ELP1: variants seen among roughly 807,000 people sequenced by gnomAD.
The protein encoded by ELP1 is elongator acetyltransferase complex subunit 1, also known as elongator complex protein 1.
Under a neutral mutation model 183.2 loss-of-function variants are expected in ELP1, and 131 were observed. The observed-to-expected ratio is 0.72, with a 90% CI of 0.62 to 0.83. The LOEUF is 0.83. ELP1 is among the 40% of genes least tolerant of loss of function. The probability of loss-of-function intolerance (pLI) is 0.00; values close to 1 mark genes in which losing one functional copy is unlikely to be tolerated. For missense variants in ELP1, 1,550 were observed against 1,594.9 expected (o/e 0.97, Z 0.48); for synonymous variants, 555 against 569.0 (o/e 0.98, Z 0.35).
chr9:108,928,594 G>C (rs1181005073), intron 3 of ELP1, among the ~76,000 whole-genome samples: 5 of 152,140 alleles, frequency 3.3e-5, no homozygotes, highest in Admixed American at 6.5e-5. Flanking sequence ...AGGCTAAAAA[G>C]GAATGTGGGG....
In ELP1 at chr9:108,908,301, C is replaced by G. The variant is rs1829091664; in HGVS notation, c.1460+4G>C. On this transcript the variant is annotated splice_donor_region_variant and intron_variant, in intron 13 of 36. Coordinates refer to ENST00000374647, the MANE Select transcript of ELP1 (RefSeq NM_003640.5). ...CCAGAAGCCCAAGATAATTAAGAAC[C>G]TACTTGTATCTCTTTTCCAAATGAG... 6.2e-7 allele frequency: 1 copy of G among 1,605,476 alleles called. No individual in the cohort carries two copies. Among genetic ancestry groups the G allele is most frequent in the Non-Finnish European group, 8.5e-7 (1 of 1,172,272 alleles).
At chr9:108,877,314 C>T (rs1827738321) in intron 35 of ELP1, among the ~76,000 whole-genome samples, 2 of 152,204 alleles carry the variant, frequency 1.3e-5, no homozygotes, top group African/African-American at 2.4e-5. Flanking sequence ...GTTTAGTCCT[C>T]TAATACTTAT....
In ELP1 at chr9:108,927,420, A is replaced by G; in HGVS notation, c.337T>C (p.Ser113Pro). 6.2e-7 allele frequency: 1 copy of G among 1,613,994 alleles called. No homozygotes were observed. Residue 113 changes from serine (S) to proline (P), a missense_variant, in exon 4 of 37, where the codon TCT becomes CCT. Physicochemically the swap from Ser to Pro is moderately conservative, Grantham distance 74. Coordinates refer to ENST00000374647, the MANE Select transcript of ELP1 (RefSeq NM_003640.5). ...ECVGSVASGISVMSWSPDQEL... is the reference protein window; with the variant it reads ...ECVGSVASGIPVMSWSPDQEL... ...TGGTCAGGACTCCAACTCATAACAG[A>G]GATACCACTGGCTACACTCCCAACA... is the stretch of plus-strand genomic sequence containing the variant.
intron 10 of ELP1, among the ~76,000 whole-genome samples, chr9:108,914,962 T>C (rs1428056296): frequency 2.0e-5 from 3 of 152,122 alleles, no homozygotes; most frequent in Non-Finnish European, 4.4e-5. Context: ...AACAAGATGA[T>C]AGCTATACTG....
intron 12 of ELP1, among the ~76,000 whole-genome samples, chr9:108,909,939 A>C (rs1021179710): frequency 6.6e-6 from 1 of 152,162 alleles, no homozygotes; most frequent in Non-Finnish European, 1.5e-5. Context: ...ATATACATAT[A>C]TATACATATA....
rs1176489663 is a variant in ELP1, at chr9:108,881,718, AG to A, written c.3332del (p.Pro1111LeufsTer4). On this transcript the variant is annotated frameshift_variant, in exon 31 of 37. Coordinates refer to ENST00000374647, the MANE Select transcript of ELP1 (RefSeq NM_003640.5). LOFTEE classifies it high-confidence loss of function. ...RLDIIETNVK[P>X]SILEAQKNYM... is the part of the protein sequence containing the mutation. ...TGGAACCCTCACCTTCTAAAATGGA[AG>A]GCTTTACGTTGGTTTCTATAATATC... 6.3e-7 allele frequency: 1 copy of A among 1,579,156 alleles called. No homozygotes were observed. The highest frequency in any genetic ancestry group is 1.7e-5 in the Admixed American group (1 of 59,974).
intron 25 of ELP1, among the ~76,000 whole-genome samples, chr9:108,894,613 T>C (rs1828469842): frequency 6.6e-6 from 1 of 152,238 alleles, no homozygotes; most frequent in Non-Finnish European, 1.5e-5. Context: ...TCTCACAGTA[T>C]CATTTATTTC....
chr9:108,878,155 G>A lies in ELP1; in HGVS notation c.3701-6C>T, dbSNP rs148535504. Reference sequence around the variant, plus strand: ...TAAAATATGGTATACTTCATCTAGAGAGAAGAAATTTGAAAGAGTGGTAAG... The same window carrying A: ...TAAAATATGGTATACTTCATCTAGAAAGAAGAAATTTGAAAGAGTGGTAAG... On this transcript the variant is annotated splice_region_variant and splice_polypyrimidine_tract_variant and intron_variant, in intron 34 of 36. Coordinates refer to ENST00000374647, the MANE Select transcript of ELP1 (RefSeq NM_003640.5). 2 of 1,604,538 alleles carry A rather than the reference G, an allele frequency of 1.2e-6. No homozygotes were observed. The highest frequency in any genetic ancestry group is 2.7e-5 in the African/African-American group (2 of 74,706).
At chr9:108,872,875 T>A (rs1484079806) in intron 36 of ELP1, among the ~76,000 whole-genome samples, 1 of 150,238 alleles carries the variant, frequency 6.7e-6, no homozygotes, top group Non-Finnish European at 1.5e-5. Flanking sequence ...TCTCATTTTT[T>A]AAAATTAGGC....
intron 18 of ELP1, 131 bp from the exon 19 acceptor site, chr9:108,900,506 T>A: frequency 1.3e-6 from 1 of 743,202 alleles, no homozygotes; most frequent in South Asian, 1.5e-5. Context: ...GCTCTCCCAC[T>A]GAACCTCAAG....
rs112255423 is a variant in ELP1 at position 108,924,388 on chromosome 9, A to AT, written c.467-1462dup. 5.3e-3 allele frequency among the ~76,000 whole-genome samples: 769 copies of AT among 146,448 alleles called. 2 individuals carry two copies. The highest frequency in any genetic ancestry group is 6.0e-3 in the Admixed American group (88 of 14,642). On this transcript the variant is annotated intron_variant, in intron 5 of 36. Coordinates refer to ENST00000374647, the MANE Select transcript of ELP1 (RefSeq NM_003640.5). ...AAAATATTCATCACTCCATAGAATG[A>AT]TTTTTTTTTTTTTGTACTGAGAAAC... is the stretch of plus-strand genomic sequence containing the variant.
chr9:108,916,995 A>G (rs1183484849), intron 9 of ELP1, among the ~76,000 whole-genome samples: 3 of 152,250 alleles, frequency 2.0e-5, no homozygotes, highest in African/African-American at 7.2e-5. Context: ...AAAATAAACA[A>G]TAAAAACTAG....
chr9:108,894,291 C>T (rs1405321079), intron 25 of ELP1, among the ~76,000 whole-genome samples: 1 of 152,090 alleles, frequency 6.6e-6, no homozygotes, highest in Non-Finnish European at 1.5e-5. Flanking sequence ...CCAAGCATAC[C>T]CCAGTCCTAC....
chr9:108,881,984 G>A (rs578196084), intron 30 of ELP1, 141 bp downstream of exon 30: 111 of 723,994 alleles, frequency 1.5e-4, no homozygotes, highest in Middle Eastern at 4.7e-4. Flanking sequence ...TAAAAACACC[G>A]CTTTTCCTTA....
intron 30 of ELP1, 75 bp from the exon 31 acceptor site, chr9:108,881,840 TG>T: frequency 2.2e-6 from 2 of 929,048 alleles, no homozygotes; most frequent in Non-Finnish European, 3.5e-6. Flanking sequence ...TAGAAAGACA[TG>T]GATTACTTTC....
intron 25 of ELP1, among the ~76,000 whole-genome samples, chr9:108,894,498 G>A (rs933140522): frequency 2.6e-5 from 4 of 152,184 alleles, no homozygotes; most frequent in South Asian, 2.1e-4. Flanking sequence ...TGAAACTCAC[G>A]TTGTGCAAGG....
intron 3 of ELP1, among the ~76,000 whole-genome samples, chr9:108,928,661 T>C (rs141609804): frequency 2.6e-5 from 4 of 152,054 alleles, no homozygotes; most frequent in African/African-American, 7.2e-5. Flanking sequence ...TTTCAGACAA[T>C]TGAGAAGCCA....
Position 108,903,601 on chromosome 9 carries a change from A to C in ELP1, c.1712T>G (p.Leu571Ter). 1 of 1,613,916 alleles carries C rather than the reference A, an allele frequency of 6.2e-7. No homozygotes were observed. Among genetic ancestry groups the C allele is most frequent in the Non-Finnish European group, 8.5e-7 (1 of 1,179,856 alleles). The change falls in exon 15 of 37, where the codon TTA (leucine) becomes TGA (stop). Residue 571 changes from leucine (L) to a stop codon, truncating the protein, a stop_gained. Coordinates refer to ENST00000374647, the MANE Select transcript of ELP1 (RefSeq NM_003640.5). LOFTEE classifies it high-confidence loss of function. ...AAATATCTGGCCATCAGCCAGCTGT[A>C]ATACTACTGACTTGGTCTTGGAATT... ...CCNSKTKSVV[L>*]QLADGQIFKY...
intron 6 of ELP1, among the ~76,000 whole-genome samples, chr9:108,920,651 G>A (rs1829613860): frequency 1.3e-5 from 2 of 152,160 alleles, no homozygotes; most frequent in South Asian, 4.1e-4. Context: ...CTGAGGGCTA[G>A]AATAACACAA....
Sources: allele counts gnomAD v4.1 joint callset (sites outside exome capture counted in the v4.1 genomes callset), GRCh38; gene constraint gnomAD v4.1.1; transcripts MANE v1.5; gene names NCBI Gene and HGNC (gene_info 2026-07-23, HGNC 2026-07-21).